Variants in GRID2 observed in about 807,000 individuals in gnomAD.
GRID2 encodes the protein glutamate ionotropic receptor delta type subunit 2, also known as glutamate receptor ionotropic, delta-2.
A neutral mutation model predicts 114.8 loss-of-function variants in GRID2; 33 were observed. The ratio of observed to expected loss-of-function variants is 0.29; its 90% confidence interval spans 0.22 to 0.38. GRID2 has a LOEUF of 0.38. Among genes scored for constraint, GRID2 ranks in the 10% least tolerant of loss-of-function variants. The pLI is 1.00. For synonymous variants in GRID2, 505 were observed against 449.9 expected (o/e 1.12, Z -1.55); for missense variants, 1,184 against 1,257.7 (o/e 0.94, Z 0.89).
At chr4:92,444,090 G>A (rs1733297100) in intron 1 of GRID2, among the ~76,000 whole-genome samples, 1 of 152,204 alleles carries the variant, frequency 6.6e-6, no homozygotes, top group Admixed American at 6.5e-5. Context: ...CCTTGGGCTG[G>A]TCAGTCTGAG....
rs543850253 is a variant in GRID2, at chr4:93,631,340, A to G, written c.2360+4905A>G. ...CATTAACTCATCATTTATATTAGGTATATCTCCTAATGCTATCCCTCCCCA... is the reference window on the plus strand; with the variant it reads ...CATTAACTCATCATTTATATTAGGTGTATCTCCTAATGCTATCCCTCCCCA... On this transcript the variant is annotated intron_variant, in intron 14 of 15. Coordinates refer to ENST00000282020, the MANE Select transcript of GRID2 (RefSeq NM_001510.4). Among the ~76,000 whole-genome samples the G allele has an allele frequency of 5.4e-4, 82 of 152,142 alleles. No homozygotes were observed. The Middle Eastern group carries it at 0.01, about 19-fold the overall frequency.
chr4:92,406,951 G>T (rs1231820569), intron 1 of GRID2, among the ~76,000 whole-genome samples: 1 of 151,728 alleles, frequency 6.6e-6, no homozygotes, highest in African/African-American at 2.4e-5. Flanking sequence ...TCTGAAACTG[G>T]GTAATTTATA....
At chr4:92,713,049 G>A (rs1455000338) in intron 2 of GRID2, among the ~76,000 whole-genome samples, 4 of 151,124 alleles carry the variant, frequency 2.6e-5, no homozygotes, top group Non-Finnish European at 5.9e-5. Context: ...ACAACGTGCA[G>A]ATTAGTTACA....
intron 14 of GRID2, among the ~76,000 whole-genome samples, chr4:93,688,703 G>C (rs1726287562): frequency 6.6e-6 from 1 of 151,098 alleles, no homozygotes. Flanking sequence ...CTGGAAAAGA[G>C]TGGCCCTCTT....
intron 8 of GRID2, among the ~76,000 whole-genome samples, chr4:93,365,731 A>G (rs1002955008): frequency 1.3e-5 from 2 of 152,182 alleles, no homozygotes; most frequent in Admixed American, 6.6e-5. Flanking sequence ...TTACTTGGCC[A>G]TAAAGCTCTT....
chr4:93,581,205 C>T (rs1406016925), intron 13 of GRID2, among the ~76,000 whole-genome samples: 1 of 142,202 alleles, frequency 7.0e-6, no homozygotes, highest in African/African-American at 2.6e-5. Context: ...GTTTGGTTTT[C>T]TCTTCTTGTG....
At chr4:92,767,377 G>A (rs1415958558) in intron 2 of GRID2, among the ~76,000 whole-genome samples, 1 of 152,084 alleles carries the variant, frequency 6.6e-6, no homozygotes, top group Non-Finnish European at 1.5e-5. Flanking sequence ...ATGGTAACTT[G>A]GCCTGTAACC....
chr4:92,489,237 A>T (rs997061124), intron 1 of GRID2, among the ~76,000 whole-genome samples: 1 of 152,186 alleles, frequency 6.6e-6, no homozygotes. Context: ...TTTTTAATGA[A>T]GCTGTTTTAA....
At chr4:93,297,230 C>T (rs934475573) in intron 8 of GRID2, among the ~76,000 whole-genome samples, 19 of 152,066 alleles carry the variant, frequency 1.2e-4, no homozygotes, top group Admixed American at 6.6e-5. Context: ...AAGAGCAGTA[C>T]GTGATACATG....
rs144723542 is a variant in GRID2, at chr4:93,566,040, A to G, written c.2193+50629A>G. On this transcript the variant is annotated intron_variant, in intron 13 of 15. Transcript: ENST00000282020. The stretch of plus-strand genomic sequence containing the variant: ...CCACACAGTCATTCAGGGAACAAGG[A>G]TTTTTTCTGCGGGTGATTTATCATT... Among the ~76,000 whole-genome samples the G allele has an allele frequency of 3.1e-3, 478 of 152,136 alleles. 2 individuals are homozygous for G. The highest frequency in any genetic ancestry group is 0.011 in the African/African-American group (436 of 41,506).
intron 8 of GRID2, among the ~76,000 whole-genome samples, chr4:93,339,450 G>A (rs1412431514): frequency 6.6e-6 from 1 of 152,070 alleles, no homozygotes; most frequent in Non-Finnish European, 1.5e-5. Flanking sequence ...AGCCGAGAAT[G>A]CCAAAGTTTG....
chr4:93,729,316 G>C (rs1406191930), intron 14 of GRID2, among the ~76,000 whole-genome samples: 9 of 152,142 alleles, frequency 5.9e-5, no homozygotes, highest in African/African-American at 1.2e-4. Flanking sequence ...CTACAGACAG[G>C]AGATCCAGGA....
intron 1 of GRID2, among the ~76,000 whole-genome samples, chr4:92,364,300 T>C (rs1728751216): frequency 1.3e-5 from 2 of 152,056 alleles, no homozygotes; most frequent in Admixed American, 6.6e-5. Context: ...CAGGTTTCTG[T>C]TATGCAAAGT....
chr4:93,672,118 G>A, intron 14 of GRID2, among the ~76,000 whole-genome samples: 1 of 152,176 alleles, frequency 6.6e-6, no homozygotes, highest in Non-Finnish European at 1.5e-5. Context: ...ACCAGTTGAG[G>A]AGTTTATAGA....
chr4:93,417,961 T>C (rs758096287), intron 9 of GRID2, among the ~76,000 whole-genome samples: 5 of 150,660 alleles, frequency 3.3e-5, no homozygotes, highest in Non-Finnish European at 7.4e-5. Flanking sequence ...TTCTTTTGTA[T>C]TCATACCTAA....
chr4:92,901,967 A>G (rs1578423032), intron 2 of GRID2, among the ~76,000 whole-genome samples: 2 of 152,016 alleles, frequency 1.3e-5, no homozygotes, highest in African/African-American at 4.8e-5. Flanking sequence ...TATGTTTGGT[A>G]GGACTCAAGT....
chr4:93,673,255 A>T (rs1013619922), intron 14 of GRID2, among the ~76,000 whole-genome samples: 1 of 152,200 alleles, frequency 6.6e-6, no homozygotes, highest in Non-Finnish European at 1.5e-5. Context: ...TCCCTAAATC[A>T]GGAAGCACTT....
At chr4:93,185,313 T>G (rs549653678) in intron 4 of GRID2, among the ~76,000 whole-genome samples, 213 of 152,294 alleles carry the variant, frequency 1.4e-3, no homozygotes, top group African/African-American at 4.8e-3. Context: ...TGATGTCCTG[T>G]GATAAAATAG....
intron 4 of GRID2, among the ~76,000 whole-genome samples, chr4:93,132,477 G>A (rs1338419265): frequency 6.6e-6 from 1 of 152,066 alleles, no homozygotes; most frequent in African/African-American, 2.4e-5. Flanking sequence ...AAAATCCTTT[G>A]TGCTGTCCAC....
Sources: allele counts gnomAD v4.1 joint callset (sites outside exome capture counted in the v4.1 genomes callset), GRCh38; gene constraint gnomAD v4.1.1; transcripts MANE v1.5; gene names NCBI Gene and HGNC (gene_info 2026-07-23, HGNC 2026-07-21).